The following ATP9A variants were observed in gnomAD, a reference collection of about 807,000 sequenced individuals.
ATP9A encodes the protein probable phospholipid-transporting ATPase IIA.
In ATP9A, 52 loss-of-function variants were observed where a neutral mutation model predicts 144.1. That is an observed-to-expected ratio of 0.36 (90% CI 0.29 to 0.45). ATP9A has a LOEUF of 0.45. Among genes scored for constraint, ATP9A ranks in the 20% least tolerant of loss-of-function variants. The pLI, the probability that ATP9A is intolerant of heterozygous loss-of-function variation, is 1.00. For missense variants in ATP9A, 947 were observed against 1,392.7 expected, an observed-to-expected ratio of 0.68 and a Z score of 5.09; for synonymous variants, 582 against 557.4, an observed-to-expected ratio of 1.04 and a Z score of -0.62.
chr20:51,755,737 G>T (rs191125795), intron 1 of ATP9A, among the ~76,000 whole-genome samples: 55 of 152,246 alleles, frequency 3.6e-4, no homozygotes, highest in Non-Finnish European at 7.5e-4. Flanking sequence ...GCCGAGGCGG[G>T]CAGGTCACAA....
chr20:51,665,302 G>T (rs1181003850), intron 13 of ATP9A, among the ~76,000 whole-genome samples: 1 of 152,168 alleles, frequency 6.6e-6, no homozygotes, highest in Non-Finnish European at 1.5e-5. Flanking sequence ...TGATAAAAAT[G>T]TTCTAAAATT....
chr20:51,605,059 T>C (rs774364896), intron 26 of ATP9A, 39 bp from the exon 27 acceptor site: 31 of 1,523,958 alleles, frequency 2.0e-5, no homozygotes, highest in Admixed American at 8.0e-5. Context: ...TCACCCTCCC[T>C]GCGAAAGCCG....
chr20:51,645,122 TTAG>T (rs2077336915), intron 14 of ATP9A, among the ~76,000 whole-genome samples: 1 of 152,204 alleles, frequency 6.6e-6, no homozygotes, highest in African/African-American at 2.4e-5. Context: ...TAAACATCTT[TTAG>T]CCTTGCTTTC....
chr20:51,659,802 T>A (rs1243289505), intron 13 of ATP9A, among the ~76,000 whole-genome samples: 4 of 152,212 alleles, frequency 2.6e-5, no homozygotes, highest in Non-Finnish European at 1.5e-5. Flanking sequence ...ATTAGACTCC[T>A]CAGGTAATTA....
At chr20:51,630,520 T>A (rs971381369) in intron 15 of ATP9A, among the ~76,000 whole-genome samples, 2 of 152,088 alleles carry the variant, frequency 1.3e-5, no homozygotes, top group Admixed American at 1.3e-4. Context: ...CTAGCCAACA[T>A]GGTGAGACCC....
intron 6 of ATP9A, among the ~76,000 whole-genome samples, chr20:51,694,936 A>G (rs899765293): frequency 6.6e-6 from 1 of 152,194 alleles, no homozygotes; most frequent in South Asian, 2.1e-4. Flanking sequence ...ACTAAATAGG[A>G]CACAAGAACG....
rs190704172 is a variant in ATP9A at position 51,641,232 on chromosome 20, G to A, written c.1507-1728C>T. On this transcript the variant is annotated intron_variant, in intron 14 of 27. Transcript: ENST00000338821. ...AAATTAGCCGGAGGTGGTGGCATGCGCCTGTAATCCCAGCTACTCAGGAGG... is the reference window on the plus strand; with the variant it reads ...AAATTAGCCGGAGGTGGTGGCATGCACCTGTAATCCCAGCTACTCAGGAGG... 3.9e-5 allele frequency among the ~76,000 whole-genome samples: 6 copies of A among 151,986 alleles called. No homozygotes were observed. The East Asian group carries it at 7.8e-4, about 20-fold the overall frequency.
At chr20:51,695,786 G>A (rs986595667) in intron 6 of ATP9A, among the ~76,000 whole-genome samples, 8 of 152,098 alleles carry the variant, frequency 5.3e-5, no homozygotes, top group East Asian at 1.9e-4. Flanking sequence ...ACACTTCCTC[G>A]TCCCAACTCC....
intron 1 of ATP9A, among the ~76,000 whole-genome samples, chr20:51,762,029 C>T (rs1029192223): frequency 6.6e-6 from 1 of 152,082 alleles, no homozygotes; most frequent in Non-Finnish European, 1.5e-5. Context: ...TATGCTGACA[C>T]TCACTCTCCT....
At chr20:51,746,822 G>C (rs568754890) in intron 1 of ATP9A, among the ~76,000 whole-genome samples, 36 of 152,282 alleles carry the variant, frequency 2.4e-4, no homozygotes, top group African/African-American at 8.4e-4. Context: ...CTGGGCAACA[G>C]AGCGAGACTC....
chr20:51,725,718 C>G (rs1398647687), intron 3 of ATP9A, 101 bp downstream of exon 3: 1 of 810,744 alleles, frequency 1.2e-6, no homozygotes, highest in Non-Finnish European at 2.1e-6. Flanking sequence ...CTTTCCCTTA[C>G]AAGGCCACCA....
chr20:51,640,227 G>C (rs1459511341), intron 14 of ATP9A, among the ~76,000 whole-genome samples: 1 of 152,178 alleles, frequency 6.6e-6, no homozygotes, highest in Non-Finnish European at 1.5e-5. Flanking sequence ...TCGCCTTCAG[G>C]CTCTCCTTTC....
intron 1 of ATP9A, among the ~76,000 whole-genome samples, chr20:51,767,947 G>A (rs2077912565): frequency 6.6e-6 from 1 of 152,206 alleles, no homozygotes; most frequent in African/African-American, 2.4e-5. Flanking sequence ...TATTAATTAC[G>A]GACAGATATT....
At chr20:51,606,355 T>A (rs6021308) in intron 26 of ATP9A, among the ~76,000 whole-genome samples, 71,752 of 151,818 alleles carry the variant, frequency 0.47, 17,222 homozygotes, top group African/African-American at 0.56. Context: ...TCATTTCACA[T>A]GTATATTATA....
chr20:51,669,943 G>A (rs1231339326), intron 13 of ATP9A, 54 bp downstream of exon 13: 2 of 1,038,396 alleles, frequency 1.9e-6, no homozygotes, highest in East Asian at 5.2e-5. Context: ...CAATATAGCT[G>A]TTAAAAAAAA....
chr20:51,706,699 G>A (rs192747248), intron 4 of ATP9A, among the ~76,000 whole-genome samples: 2 of 152,220 alleles, frequency 1.3e-5, no homozygotes, highest in Non-Finnish European at 2.9e-5. Flanking sequence ...GCAGTGAACT[G>A]TGACTGTGCC....
intron 13 of ATP9A, among the ~76,000 whole-genome samples, chr20:51,668,440 C>T (rs1427432954): frequency 6.6e-6 from 1 of 151,874 alleles, no homozygotes; most frequent in Non-Finnish European, 1.5e-5. Flanking sequence ...CCAGGTCAGG[C>T]CTAGAGATGG....
intron 1 of ATP9A, chr20:51,732,417 C>G (rs1411251882): frequency 6.6e-6 from 1 of 152,268 alleles, no homozygotes; most frequent in Non-Finnish European, 1.5e-5. Context: ...TTCCCTTGTT[C>G]CCACAGAGCA....
intron 14 of ATP9A, among the ~76,000 whole-genome samples, chr20:51,651,158 A>ATATATATATATATATATATG (rs1568803351): frequency 7.1e-6 from 1 of 141,254 alleles, no homozygotes; most frequent in East Asian, 2.0e-4. Flanking sequence ...CTCTCCATAT[A>ATATATATATATATATATATG]TATATATACA....
Sources: gnomAD v4.1 joint callset for allele counts (sites outside exome capture counted in the v4.1 genomes callset) on GRCh38, gnomAD v4.1.1 for gene constraint, MANE v1.5 for transcripts, NCBI Gene and HGNC (gene_info 2026-07-23, HGNC 2026-07-21) for gene names.